The following PSD3 variants were observed in gnomAD, a reference collection of about 807,000 sequenced individuals.
The protein encoded by PSD3 is PH and SEC7 domain-containing protein 3.
A neutral mutation model predicts 105.5 loss-of-function variants in PSD3; 49 were observed. The observed-to-expected ratio is 0.46, with a 90% CI of 0.37 to 0.59. The LOEUF (loss-of-function observed/expected upper bound fraction) is 0.59, where lower values mean the gene tolerates loss of function less well. PSD3 is among the 20% of genes least tolerant of loss of function. PSD3 has a pLI of 0.00. For missense variants in PSD3, 1,561 were observed against 1,263.8 expected (o/e 1.24, Z -3.57); for synonymous variants, 557 against 457.8 (o/e 1.22, Z -2.77).
chr8:18,851,205 A>T (rs1395107637), intron 4 of PSD3, among the ~76,000 whole-genome samples: 1 of 152,224 alleles, frequency 6.6e-6, no homozygotes, highest in African/African-American at 2.4e-5. Context: ...TCCTCACAAT[A>T]GTCCCATCTT....
chr8:19,054,967 C>T (rs965249850), intron 1 of PSD3, among the ~76,000 whole-genome samples: 1 of 152,186 alleles, frequency 6.6e-6, no homozygotes, highest in Admixed American at 6.5e-5. Flanking sequence ...GGAAGACTAC[C>T]TGTTCACCCC....
At chr8:18,540,334 G>T (rs932575237) in intron 15 of PSD3, among the ~76,000 whole-genome samples, 1 of 152,080 alleles carries the variant, frequency 6.6e-6, no homozygotes, top group Non-Finnish European at 1.5e-5. Context: ...TGGGTGACTT[G>T]TTTTATTGTG....
intron 2 of PSD3, among the ~76,000 whole-genome samples, chr8:18,892,261 T>G (rs1818840167): frequency 1.3e-5 from 2 of 151,904 alleles, no homozygotes; most frequent in Non-Finnish European, 2.9e-5. Context: ...TCTCGCTCTG[T>G]TGCCCAGGCT....
intron 9 of PSD3, among the ~76,000 whole-genome samples, chr8:18,659,583 T>C (rs766646200): frequency 6.6e-6 from 1 of 152,268 alleles, no homozygotes; most frequent in Admixed American, 6.5e-5. Context: ...TAGCATCGTA[T>C]ATGCCTGGCC....
chr8:18,731,818 T>C (rs371646871), intron 9 of PSD3, among the ~76,000 whole-genome samples: 6 of 152,288 alleles, frequency 3.9e-5, no homozygotes, highest in Admixed American at 1.3e-4. Context: ...AAAATACACA[T>C]TGCAAACTCT....
intron 1 of PSD3, among the ~76,000 whole-genome samples, chr8:19,030,125 C>T (rs1434570496): frequency 2.0e-5 from 3 of 152,040 alleles, no homozygotes; most frequent in Non-Finnish European, 4.4e-5. Flanking sequence ...TGCCTTTTGT[C>T]GAGTTGAAGA....
chr8:19,053,969 G>A (rs1281551073), intron 1 of PSD3, among the ~76,000 whole-genome samples: 2 of 152,222 alleles, frequency 1.3e-5, no homozygotes, highest in Non-Finnish European at 2.9e-5. Context: ...CACCTTAGTG[G>A]TTAGTTAAGC....
chr8:18,855,629 G>T (rs1368115766), intron 4 of PSD3, among the ~76,000 whole-genome samples: 4 of 152,148 alleles, frequency 2.6e-5, no homozygotes, highest in Admixed American at 1.3e-4. Context: ...ATGTATGAAA[G>T]AACTCAGACA....
At chr8:18,959,912 G>C (rs1201372249) in intron 1 of PSD3, among the ~76,000 whole-genome samples, 1 of 152,158 alleles carries the variant, frequency 6.6e-6, no homozygotes, top group African/African-American at 2.4e-5. Context: ...TCCCATTGTG[G>C]TCCCTCAGGC....
intron 9 of PSD3, among the ~76,000 whole-genome samples, chr8:18,741,250 G>C (rs1352766420): frequency 6.6e-6 from 1 of 152,152 alleles, no homozygotes; most frequent in Non-Finnish European, 1.5e-5. Flanking sequence ...TGTAACAACT[G>C]TTCACAAGAT....
rs1023973665 is a variant in PSD3 at position 18,843,915 on chromosome 8, A to T, written c.1634+23759T>A. 1.9e-4 allele frequency among the ~76,000 whole-genome samples: 27 copies of T among 141,728 alleles called. No homozygotes were observed. In the South Asian group the frequency reaches 2.3e-3, roughly 12 times the overall value. 93.0% of individuals were successfully genotyped at this position (141,728 alleles called of 152,430 possible). A position where few individuals can be genotyped will look rare whatever the true frequency, so the allele number is the denominator to read the frequency against. On this transcript the variant is annotated intron_variant, in intron 4 of 15. Transcript: ENST00000327040. Reference sequence around the variant, plus strand: ...CTATAACCACTTTATAAGATAGACTATTTTTTTTTTTTTTTTTTTACCCAA... The same window carrying T: ...CTATAACCACTTTATAAGATAGACTTTTTTTTTTTTTTTTTTTTTACCCAA...
At chr8:19,043,085 C>A (rs961041263) in intron 1 of PSD3, among the ~76,000 whole-genome samples, 1 of 152,110 alleles carries the variant, frequency 6.6e-6, no homozygotes, top group African/African-American at 2.4e-5. Flanking sequence ...AAAAAATGGG[C>A]AGAACAGAAA....
intron 1 of PSD3, among the ~76,000 whole-genome samples, chr8:19,075,845 G>A (rs752159512): frequency 3.3e-5 from 5 of 152,118 alleles, no homozygotes; most frequent in African/African-American, 1.2e-4. Flanking sequence ...TCTGTTGTAT[G>A]GATTATAAAG....
chr8:18,843,062 A>T (rs1417983297), intron 4 of PSD3, among the ~76,000 whole-genome samples: 1 of 152,178 alleles, frequency 6.6e-6, no homozygotes, highest in African/African-American at 2.4e-5. Flanking sequence ...GTTAATAAAA[A>T]CATAAAACCA....
chr8:18,591,895 A>G (rs183941877), intron 12 of PSD3, among the ~76,000 whole-genome samples: 59 of 152,236 alleles, frequency 3.9e-4, no homozygotes, highest in African/African-American at 1.3e-3. Context: ...CTCCTGAAAA[A>G]GGATTCAGAG....
At chr8:18,602,970 A>T (rs553685874) in intron 11 of PSD3, among the ~76,000 whole-genome samples, 13 of 152,344 alleles carry the variant, frequency 8.5e-5, no homozygotes, top group African/African-American at 3.1e-4. Context: ...GTAACTTCAC[A>T]TAATGAACTT....
chr8:18,565,860 G>A (rs1173572707), intron 14 of PSD3, among the ~76,000 whole-genome samples: 1 of 152,146 alleles, frequency 6.6e-6, no homozygotes, highest in African/African-American at 2.4e-5. Context: ...ATTTTTGGTT[G>A]TTAGAACTGG....
At chr8:18,935,192 C>G (rs768470214) in intron 2 of PSD3, among the ~76,000 whole-genome samples, 2 of 152,174 alleles carry the variant, frequency 1.3e-5, no homozygotes, top group African/African-American at 2.4e-5. Context: ...TCTATTTGTT[C>G]TAAATTTACC....
chr8:18,552,086 T>C (rs1479681935), intron 15 of PSD3, among the ~76,000 whole-genome samples: 1 of 152,188 alleles, frequency 6.6e-6, no homozygotes, highest in Admixed American at 6.5e-5. Flanking sequence ...GAAAACACGT[T>C]GACATTAGGT....
Sources: gnomAD v4.1 joint callset for allele counts (sites outside exome capture counted in the v4.1 genomes callset) on GRCh38, gnomAD v4.1.1 for gene constraint, MANE v1.5 for transcripts, NCBI Gene and HGNC (gene_info 2026-07-23, HGNC 2026-07-21) for gene names.